SAMD5: variants seen among roughly 807,000 people sequenced by gnomAD.
The protein encoded by SAMD5 is sterile alpha motif domain-containing protein 5.
SAMD5 carries 13 observed loss-of-function variants against 11.3 expected under a neutral mutation model. The observed-to-expected ratio is 1.15, with a 90% CI of 0.75 to 1.83. The LOEUF (loss-of-function observed/expected upper bound fraction) is 1.83, where lower values mean the gene tolerates loss of function less well. SAMD5 is among the 40% of genes most tolerant of loss of function. The probability of loss-of-function intolerance (pLI) is 0.00; values close to 1 mark genes in which losing one functional copy is unlikely to be tolerated. For synonymous variants in SAMD5, 129 were observed against 111.3 expected (o/e 1.16, Z -1.00); for missense variants, 255 against 239.1 (o/e 1.07, Z -0.44).
chr6:147,774,941 A>G, the SAMD5 span, among the ~76,000 whole-genome samples: 1 of 152,148 alleles, frequency 6.6e-6, no homozygotes, highest in Non-Finnish European at 1.5e-5. Context: ...CAACATACAC[A>G]ATTCCTTTCA....
At chr6:147,799,146 G>A in the SAMD5 span, among the ~76,000 whole-genome samples, 1 of 151,772 alleles carries the variant, frequency 6.6e-6, no homozygotes, top group African/African-American at 2.4e-5. Context: ...GTTAGTTGAT[G>A]CAGTTTCTTC....
At chr6:147,850,604 C>T in the SAMD5 span, among the ~76,000 whole-genome samples, 31 of 152,232 alleles carry the variant, frequency 2.0e-4, no homozygotes, top group South Asian at 1.2e-3. Context: ...TTACAATAGT[C>T]CCCTATTATC....
chr6:147,794,210 A>G, the SAMD5 span, among the ~76,000 whole-genome samples: 6 of 152,200 alleles, frequency 3.9e-5, no homozygotes, highest in Non-Finnish European at 7.4e-5. Context: ...GATAAATATC[A>G]CACTATACAA....
intron 1 of SAMD5, among the ~76,000 whole-genome samples, chr6:147,639,069 A>G (rs1296345101): frequency 2.0e-5 from 3 of 152,194 alleles, no homozygotes; most frequent in African/African-American, 7.2e-5. Flanking sequence ...CTAAAGATAG[A>G]CAAGGCGGAG....
intron 1 of SAMD5, among the ~76,000 whole-genome samples, chr6:147,698,748 G>A (rs768151475): frequency 3.3e-5 from 5 of 152,158 alleles, no homozygotes; most frequent in Non-Finnish European, 5.9e-5. Flanking sequence ...AAACAGACAA[G>A]CAATCGACTG....
At chr6:147,677,574 T>A (rs1161084399) in intron 1 of SAMD5, among the ~76,000 whole-genome samples, 2 of 152,058 alleles carry the variant, frequency 1.3e-5, no homozygotes, top group East Asian at 3.9e-4. Flanking sequence ...ACACAGATAA[T>A]GGGATTAAAA....
At chr6:147,697,224 C>T (rs190175980) in intron 1 of SAMD5, among the ~76,000 whole-genome samples, 10 of 152,250 alleles carry the variant, frequency 6.6e-5, no homozygotes, top group South Asian at 2.1e-4. Context: ...TTTAATCGGG[C>T]GCTGCAGCCA....
At chr6:147,560,410 A>G (rs1426567853) in intron 1 of SAMD5, among the ~76,000 whole-genome samples, 1 of 152,146 alleles carries the variant, frequency 6.6e-6, no homozygotes, top group Non-Finnish European at 1.5e-5. Flanking sequence ...ACTGTCATCA[A>G]TTTTTTTGTT....
At chr6:147,890,504 A>C in the SAMD5 span, among the ~76,000 whole-genome samples, 7 of 151,914 alleles carry the variant, frequency 4.6e-5, no homozygotes. Flanking sequence ...GACTACAGGC[A>C]CACACCACCA....
the SAMD5 span, among the ~76,000 whole-genome samples, chr6:147,784,992 A>T: frequency 6.6e-6 from 1 of 152,176 alleles, no homozygotes; most frequent in Non-Finnish European, 1.5e-5. Context: ...GTTATTTTAA[A>T]TGAATTCTCT....
At chr6:147,559,397 A>G (rs1324398652) in intron 1 of SAMD5, among the ~76,000 whole-genome samples, 1 of 152,216 alleles carries the variant, frequency 6.6e-6, no homozygotes, top group African/African-American at 2.4e-5. Context: ...TGTTTCTGAT[A>G]GTTTTTTTCT....
At chr6:147,785,190 A>C in the SAMD5 span, among the ~76,000 whole-genome samples, 3 of 152,152 alleles carry the variant, frequency 2.0e-5, no homozygotes, top group Admixed American at 1.3e-4. Context: ...TTATGGAATC[A>C]TGTTGGCTTC....
At chr6:147,704,438 C>A (rs1379894950) in intron 1 of SAMD5, among the ~76,000 whole-genome samples, 1 of 152,078 alleles carries the variant, frequency 6.6e-6, no homozygotes, top group East Asian at 1.9e-4. Flanking sequence ...TTTAAATACA[C>A]ATGTCAAATA....
chr6:147,762,638 T>C, the SAMD5 span, among the ~76,000 whole-genome samples: 1 of 152,246 alleles, frequency 6.6e-6, no homozygotes, highest in African/African-American at 2.4e-5. Flanking sequence ...TTAGAGATCA[T>C]TGTGTGACTC....
intron 1 of SAMD5, among the ~76,000 whole-genome samples, chr6:147,537,471 G>A (rs779706344): frequency 9.9e-5 from 15 of 152,116 alleles, no homozygotes; most frequent in Non-Finnish European, 1.6e-4. Flanking sequence ...ACAGAAAACC[G>A]GCTGGGCGCG....
intron 1 of SAMD5, among the ~76,000 whole-genome samples, chr6:147,705,136 T>C (rs1220681858): frequency 6.6e-6 from 1 of 152,216 alleles, no homozygotes; most frequent in Non-Finnish European, 1.5e-5. Flanking sequence ...TAGATTTTGT[T>C]GCTGTCTAAT....
the SAMD5 span, among the ~76,000 whole-genome samples, chr6:147,743,497 T>G: frequency 1.3e-5 from 2 of 150,252 alleles, no homozygotes; most frequent in African/African-American, 4.9e-5. Flanking sequence ...AGCGAGACTC[T>G]GTCTCAAAAA....
chr6:147,694,261 A>G (rs1791144711), intron 1 of SAMD5, among the ~76,000 whole-genome samples: 1 of 152,120 alleles, frequency 6.6e-6, no homozygotes, highest in African/African-American at 2.4e-5. Context: ...CCTTTTTCTC[A>G]TATTCTCTCT....
At chr6:147,701,320 A>G (rs1274414071) in intron 1 of SAMD5, among the ~76,000 whole-genome samples, 1 of 152,174 alleles carries the variant, frequency 6.6e-6, no homozygotes, top group African/African-American at 2.4e-5. Context: ...ATAAAACGCA[A>G]TTCTAAGCAA....
Sources: gnomAD v4.1 joint callset for allele counts (sites outside exome capture counted in the v4.1 genomes callset) on GRCh38, gnomAD v4.1.1 for gene constraint, MANE v1.5 for transcripts, NCBI Gene and HGNC (gene_info 2026-07-23, HGNC 2026-07-21) for gene names.